The following ALDH7A1 variants were observed in gnomAD, a reference collection of about 807,000 sequenced individuals.
ALDH7A1 encodes aldehyde dehydrogenase 7 family member A1.
Under a neutral mutation model 79.9 loss-of-function variants are expected in ALDH7A1, and 63 were observed. The ratio of observed to expected loss-of-function variants is 0.79; its 90% CI spans 0.64 to 0.97. The LOEUF (loss-of-function observed/expected upper bound fraction) is 0.97, where lower values mean the gene tolerates loss of function less well. Among genes scored for constraint, ALDH7A1 ranks in the 50% least tolerant of loss-of-function variants. The probability of loss-of-function intolerance (pLI) is 0.00; values close to 1 mark genes in which losing one functional copy is unlikely to be tolerated. For missense variants in ALDH7A1, 627 were observed against 665.2 expected (o/e 0.94, Z 0.63); for synonymous variants, 240 against 231.2 (o/e 1.04, Z -0.34).
intron 9 of ALDH7A1, among the ~76,000 whole-genome samples, chr5:126,566,155 G>C (rs569200120): frequency 7.4e-4 from 112 of 152,212 alleles, no homozygotes; most frequent in Middle Eastern, 3.4e-3. Flanking sequence ...CATTGAATCT[G>C]TAATCATGTG....
Position 126,592,653 on chromosome 5 carries a change from GC to G in ALDH7A1, c.312+10del, listed in dbSNP as rs1425142061. 1.2e-6 allele frequency: 2 copies of G among 1,612,804 alleles called. No individual in the cohort carries two copies. Among genetic ancestry groups the G allele is most frequent in the Non-Finnish European group, 1.7e-6 (2 of 1,178,906 alleles). ...TCTTTTCTGAATTCTAGAAACAAAG[GC>G]CATACTTACATCTGCCCAGATTTTC... On this transcript the variant is annotated intron_variant, in intron 3 of 17. Coordinates refer to ENST00000409134, the MANE Select transcript of ALDH7A1 (RefSeq NM_001182.5).
chr5:126,545,127 C>G, intron 17 of ALDH7A1, 108 bp from the exon 18 acceptor site: 7 of 822,256 alleles, frequency 8.5e-6, no homozygotes, highest in Non-Finnish European at 1.2e-5. Context: ...GGCAAGATCT[C>G]CAAGTTACAA....
chr5:126,592,380 G>T (rs1218969775), intron 3 of ALDH7A1: 1 of 398,364 alleles, frequency 2.5e-6, no homozygotes, highest in African/African-American at 2.0e-5. Flanking sequence ...TAATTTCAGT[G>T]AAGAATAGTG....
chr5:126,573,146 C>CAAA (rs1230731043), intron 7 of ALDH7A1, among the ~76,000 whole-genome samples: 2 of 132,056 alleles, frequency 1.5e-5, no homozygotes, highest in Non-Finnish European at 3.2e-5. Context: ...AAGCTTAAAG[C>CAAA]AAAACCAGTA....
intron 9 of ALDH7A1, 86 bp downstream of exon 9, chr5:126,568,173 G>C (rs1392806870): frequency 3.8e-6 from 5 of 1,310,222 alleles, no homozygotes; most frequent in Non-Finnish European, 5.5e-6. Flanking sequence ...CATGGAAAAG[G>C]TTGAGGGGAA....
intron 16 of ALDH7A1, among the ~76,000 whole-genome samples, chr5:126,548,966 C>A (rs1451106108): frequency 7.2e-6 from 1 of 138,758 alleles, no homozygotes; most frequent in Non-Finnish European, 1.5e-5. Context: ...CTCAGCTATT[C>A]ATGAGGCTGA....
At chr5:126,546,423 A>C in intron 16 of ALDH7A1, 24 bp from the exon 17 acceptor site, 1 of 1,609,442 alleles carries the variant, frequency 6.2e-7, no homozygotes, top group Non-Finnish European at 8.5e-7. Flanking sequence ...AAATAATATC[A>C]TATCTTCTGA....
At chr5:126,591,768 T>C (rs1035192929) in intron 3 of ALDH7A1, among the ~76,000 whole-genome samples, 1 of 151,946 alleles carries the variant, frequency 6.6e-6, no homozygotes, top group Non-Finnish European at 1.5e-5. Context: ...TAGTGACAAG[T>C]CAGTGTGGCC....
chr5:126,555,547 T>G, intron 12 of ALDH7A1: 1 of 156,578 alleles, frequency 6.4e-6, no homozygotes, highest in Non-Finnish European at 1.4e-5. Flanking sequence ...TACTGAGGGG[T>G]ATTTTAAGCA....
intron 14 of ALDH7A1, 72 bp from the exon 15 acceptor site, chr5:126,550,365 T>G: frequency 2.7e-6 from 3 of 1,128,962 alleles, no homozygotes; most frequent in Non-Finnish European, 4.0e-6. Flanking sequence ...ATTAAACTCA[T>G]TTCCTGAAGT....
intron 5 of ALDH7A1, among the ~76,000 whole-genome samples, chr5:126,582,335 G>C (rs1751205715): frequency 1.3e-5 from 2 of 152,130 alleles, no homozygotes; most frequent in Admixed American, 1.3e-4. Flanking sequence ...TTAAAAATAA[G>C]TAAATAAAAT....
At chr5:126,578,184 G>A (rs1196343366) in intron 5 of ALDH7A1, among the ~76,000 whole-genome samples, 16 of 151,986 alleles carry the variant, frequency 1.1e-4, no homozygotes, top group African/African-American at 3.9e-4. Context: ...AGCTACTCAG[G>A]AGACTGAGGC....
intron 9 of ALDH7A1, among the ~76,000 whole-genome samples, chr5:126,565,881 A>G (rs571347185): frequency 8.7e-4 from 132 of 152,358 alleles, no homozygotes; most frequent in Non-Finnish European, 1.3e-3. Flanking sequence ...CACCCTTGAC[A>G]CAACTGACCA....
intron 3 of ALDH7A1, among the ~76,000 whole-genome samples, chr5:126,584,659 CAAAAA>C (rs35736560): frequency 1.6e-5 from 1 of 62,248 alleles, no homozygotes; most frequent in African/African-American, 6.1e-5. Flanking sequence ...CACTCCATCT[CAAAAA>C]AAAAAAAAAA....
Position 126,575,451 on chromosome 5 carries a change from T to C in ALDH7A1, c.664A>G (p.Thr222Ala), listed in dbSNP as rs777829351. 46 of 1,612,886 alleles carry C rather than the reference T, an allele frequency of 2.9e-5. No homozygotes were observed. The highest frequency in any genetic ancestry group is 5.0e-5 in the Admixed American group (3 of 59,910). Residue 222 changes from threonine (T) to alanine (A), a missense_variant, in exon 7 of 18, where the codon ACC (threonine) becomes GCC (alanine). Transcript: ENST00000409134. ...ACAGCCACACTAATGAGGGAAGTGG[T>C]TGGAGCTCCTTTCCTTAAGAAGGTT... is the stretch of plus-strand genomic sequence containing the variant. ...GNVCLWKGAP[T>A]TSLISVAVTK... is the part of the protein sequence containing the mutation.
At chr5:126,550,437 C>A in intron 14 of ALDH7A1, 144 bp from the exon 15 acceptor site, 1 of 696,724 alleles carries the variant, frequency 1.4e-6, no homozygotes, top group Non-Finnish European at 2.4e-6. Flanking sequence ...CACTCTGTTT[C>A]TCTTATAATT....
intron 3 of ALDH7A1, chr5:126,591,927 CTT>C (rs535978673): frequency 1.8e-4 from 24 of 131,262 alleles, no homozygotes; most frequent in South Asian, 2.4e-4. Context: ...TGCCACTGCT[CTT>C]TTTTTTTTTT....
rs190949182 is a variant in ALDH7A1, at chr5:126,582,172, A to T, written c.517+679T>A. On this transcript the variant is annotated intron_variant, in intron 5 of 17. Transcript: ENST00000409134. Reference sequence around the variant, plus strand: ...ATCCTACAAAATATAAAAAAGACACACAAGAAATTGAAAGCATTCACTACT... The same window carrying T: ...ATCCTACAAAATATAAAAAAGACACTCAAGAAATTGAAAGCATTCACTACT... 9.6e-4 allele frequency: 383 copies of T among 398,614 alleles called. 2 individuals carry two copies. Among genetic ancestry groups the T allele is most frequent in the African/African-American group, 7.2e-3 (351 of 48,720 alleles). The allele number at this position is 398,614 out of a possible 1,614,324, so 24.7% of individuals were successfully genotyped here.
intron 14 of ALDH7A1, 21 bp downstream of exon 14, chr5:126,552,000 G>C (rs1750015508): frequency 6.5e-7 from 1 of 1,540,134 alleles, no homozygotes; most frequent in Non-Finnish European, 9.0e-7. Flanking sequence ...CATCAGGCTA[G>C]CGAACAGAAT....
Sources: allele counts gnomAD v4.1 joint callset (sites outside exome capture counted in the v4.1 genomes callset), GRCh38; gene constraint gnomAD v4.1.1; transcripts MANE v1.5; gene names NCBI Gene and HGNC (gene_info 2026-07-23, HGNC 2026-07-21).